The following FIRRM variants were observed in gnomAD, a reference collection of about 807,000 sequenced individuals.
FIRRM encodes FIGNL1-interacting regulator of recombination and mitosis.
At chr1:169,829,931 A>T in the FIRRM span, among the ~76,000 whole-genome samples, 1 of 143,836 alleles carries the variant, frequency 7.0e-6, no homozygotes, top group South Asian at 2.1e-4. Context: ...AGGCAGAAAG[A>T]GGAATATAAG....
the FIRRM span, chr1:169,803,224 C>T: frequency 2.5e-6 from 4 of 1,613,984 alleles, no homozygotes; most frequent in Non-Finnish European, 1.7e-6. Context: ...ATCTGTGCCA[C>T]ACAGGAATCC....
the FIRRM span, chr1:169,854,068 C>A: frequency 1.7e-6 from 1 of 577,280 alleles, no homozygotes; most frequent in Admixed American, 3.5e-5. Flanking sequence ...GTTACAATAG[C>A]TCATTAAACA....
chr1:169,796,166 G>A, the FIRRM span, among the ~76,000 whole-genome samples: 1 of 152,204 alleles, frequency 6.6e-6, no homozygotes, highest in South Asian at 2.1e-4. Flanking sequence ...ATCTCAGAAG[G>A]TGCCAAAGCC....
the FIRRM span, among the ~76,000 whole-genome samples, chr1:169,824,180 AG>A: frequency 4.5e-4 from 69 of 152,288 alleles, no homozygotes; most frequent in African/African-American, 1.4e-3. Context: ...CAATTAAGAG[AG>A]CTGCTGTATG....
At chr1:169,851,953 A>G in the FIRRM span, 18 of 1,613,850 alleles carry the variant, frequency 1.1e-5, no homozygotes, top group East Asian at 2.9e-4. Flanking sequence ...GCTGATTTCA[A>G]TAGGGGCCAA....
At chr1:169,832,587 T>C in the FIRRM span, 2 of 1,023,046 alleles carry the variant, frequency 2.0e-6, no homozygotes, top group Non-Finnish European at 3.0e-6. Context: ...CCTTTTTTTT[T>C]CCATTTTTAA....
the FIRRM span, among the ~76,000 whole-genome samples, chr1:169,787,607 T>C: frequency 1.3e-5 from 2 of 152,220 alleles, no homozygotes; most frequent in African/African-American, 4.8e-5. Context: ...TCCCCACTAC[T>C]GCAAAATCCC....
At chr1:169,830,324 A>C in the FIRRM span, 1 of 1,613,870 alleles carries the variant, frequency 6.2e-7, no homozygotes, top group Admixed American at 1.7e-5. Flanking sequence ...CTATGGATGC[A>C]TGGTGCTTCC....
chr1:169,847,313 T>TA, the FIRRM span, among the ~76,000 whole-genome samples: 382 of 86,340 alleles, frequency 4.4e-3, 7 homozygotes, highest in Middle Eastern at 5.7e-3. Context: ...CTTATATTTC[T>TA]AAAAAAAAAA....
At chr1:169,833,744 C>A in the FIRRM span, among the ~76,000 whole-genome samples, 1 of 151,022 alleles carries the variant, frequency 6.6e-6, no homozygotes. Context: ...GCACGGGGAG[C>A]TTGCTTGCTT....
At chr1:169,831,286 A>G in the FIRRM span, among the ~76,000 whole-genome samples, 1 of 152,170 alleles carries the variant, frequency 6.6e-6, no homozygotes, top group Admixed American at 6.5e-5. Flanking sequence ...TTTTGCTTTT[A>G]AATTCTGAGG....
At chr1:169,853,624 G>GTTT in the FIRRM span, 4 of 1,421,682 alleles carry the variant, frequency 2.8e-6, no homozygotes, top group African/African-American at 5.7e-5. Context: ...CCACTTTGGG[G>GTTT]TTTTCTTGTC....
chr1:169,813,904 C>T, the FIRRM span, among the ~76,000 whole-genome samples: 7 of 152,176 alleles, frequency 4.6e-5, no homozygotes, highest in Non-Finnish European at 1.5e-5. Context: ...CAGAGAATTA[C>T]ATTTTGGGAG....
At chr1:169,824,225 C>G in the FIRRM span, among the ~76,000 whole-genome samples, 1 of 152,194 alleles carries the variant, frequency 6.6e-6, no homozygotes, top group African/African-American at 2.4e-5. Flanking sequence ...CTATGTGTAT[C>G]TAGACCCATA....
chr1:169,845,749 G>C, the FIRRM span, among the ~76,000 whole-genome samples: 2 of 152,114 alleles, frequency 1.3e-5, no homozygotes, highest in African/African-American at 4.8e-5. Flanking sequence ...CTTCTAGTTT[G>C]CTAGCTATTT....
the FIRRM span, among the ~76,000 whole-genome samples, chr1:169,800,309 T>TGTTG: frequency 6.6e-6 from 1 of 152,178 alleles, no homozygotes; most frequent in Non-Finnish European, 1.5e-5. Flanking sequence ...CCACCCAAAG[T>TGTTG]GTTGGGATTA....
At chr1:169,827,031 T>G in the FIRRM span, 1 of 1,607,776 alleles carries the variant, frequency 6.2e-7, no homozygotes, top group Non-Finnish European at 8.5e-7. Flanking sequence ...TGAATGAGTT[T>G]TTTTTCTCTC....
At chr1:169,830,840 A>G in the FIRRM span, 35 of 1,100,568 alleles carry the variant, frequency 3.2e-5, no homozygotes, top group Non-Finnish European at 2.2e-5. Flanking sequence ...CGGCGGGAGA[A>G]ATATCACAGT....
chr1:169,798,844 AT>A, the FIRRM span: 5,730 of 804,116 alleles, frequency 7.1e-3, no homozygotes, highest in South Asian at 0.013. Flanking sequence ...AAAGGGTTTT[AT>A]TTTTTTTTTA....
Sources: gnomAD v4.1 joint callset for allele counts (sites outside exome capture counted in the v4.1 genomes callset) on GRCh38, gnomAD v4.1.1 for gene constraint, MANE v1.5 for transcripts, NCBI Gene and HGNC (gene_info 2026-07-23, HGNC 2026-07-21) for gene names.